Variants in SGCE observed in about 807,000 individuals in gnomAD.
The protein encoded by SGCE is sarcoglycan epsilon.
SGCE carries 26 observed loss-of-function variants against 57.8 expected under a neutral mutation model. That is an observed-to-expected ratio of 0.45 (90% CI 0.33 to 0.62). The LOEUF (loss-of-function observed/expected upper bound fraction) is 0.62, where lower values mean the gene tolerates loss of function less well. Among genes scored for constraint, SGCE ranks in the 20% least tolerant of loss-of-function variants. SGCE has a pLI of 0.02. For missense variants in SGCE, 468 were observed against 548.6 expected (o/e 0.85, Z 1.47); for synonymous variants, 183 against 189.5 (o/e 0.97, Z 0.28).
intron 1 of SGCE, among the ~76,000 whole-genome samples, chr7:94,643,769 A>G (rs1018122316): frequency 6.6e-6 from 1 of 152,240 alleles, no homozygotes; most frequent in Non-Finnish European, 1.5e-5. Context: ...TACATTGACA[A>G]GTACAGAATA....
At chr7:94,646,613 C>A (rs1245199097) in intron 1 of SGCE, among the ~76,000 whole-genome samples, 2 of 151,920 alleles carry the variant, frequency 1.3e-5, no homozygotes, top group Admixed American at 1.3e-4. Context: ...AAGCAGAATA[C>A]AAAACAGTAT....
At chr7:94,600,306 C>A (rs1321380313) in intron 7 of SGCE, 3 of 251,636 alleles carry the variant, frequency 1.2e-5, no homozygotes, top group Non-Finnish European at 2.3e-5. Flanking sequence ...TTTTTAAGTG[C>A]AATTACCATG....
intron 5 of SGCE, among the ~76,000 whole-genome samples, chr7:94,606,865 A>G (rs1240961483): frequency 6.6e-6 from 1 of 152,228 alleles, no homozygotes; most frequent in Non-Finnish European, 1.5e-5. Context: ...AAAATTGCAC[A>G]TGGATTAAAG....
At chr7:94,647,075 A>G (rs1341606729) in intron 1 of SGCE, among the ~76,000 whole-genome samples, 3 of 152,318 alleles carry the variant, frequency 2.0e-5, no homozygotes, top group Admixed American at 6.5e-5. Context: ...CACTTAGAAT[A>G]TATCTTGAAC....
intron 9 of SGCE, chr7:94,594,660 G>A (rs1292338551): frequency 3.3e-5 from 5 of 152,098 alleles, no homozygotes; most frequent in Non-Finnish European, 2.9e-5. Context: ...AATGTACCAT[G>A]GTACTGTAAG....
At chr7:94,628,412 G>T (rs1804111295) in intron 2 of SGCE, 53 bp from the exon 3 acceptor site, 1 of 1,456,794 alleles carries the variant, frequency 6.9e-7, no homozygotes, top group East Asian at 2.3e-5. Flanking sequence ...CACACATGTT[G>T]CTTTGGTAGT....
intron 1 of SGCE, among the ~76,000 whole-genome samples, chr7:94,655,566 C>T (rs986507044): frequency 6.6e-6 from 1 of 152,136 alleles, no homozygotes; most frequent in Admixed American, 6.5e-5. Flanking sequence ...AGCTTGACAC[C>T]CATTTCCTTT....
At chr7:94,654,669 A>G (rs927215675) in intron 1 of SGCE, among the ~76,000 whole-genome samples, 3 of 152,236 alleles carry the variant, frequency 2.0e-5, no homozygotes, top group African/African-American at 7.2e-5. Flanking sequence ...AATGGGCTAC[A>G]GTTTTGTTTA....
chr7:94,596,163 G>A (rs1007183150), intron 9 of SGCE, among the ~76,000 whole-genome samples: 6 of 152,076 alleles, frequency 3.9e-5, no homozygotes, highest in African/African-American at 1.2e-4. Context: ...TCAACCTAAT[G>A]ACAGTCTTGA....
At position 94,600,738 on chromosome 7, in the gene SGCE, C is replaced by T. The variant is rs539333988; in HGVS notation, c.945G>A (p.Thr315=). 1.1e-5 allele frequency: 18 copies of T among 1,613,700 alleles called. No homozygotes were observed. The highest frequency in any genetic ancestry group is 1.7e-5 in the Admixed American group (1 of 59,942). The change falls in exon 7 of 11, where the codon ACG becomes ACA. Residue 315 remains threonine, a synonymous_variant. Transcript: ENST00000648936. ...SDSLKSRDYY[T]DFLITLAVPS... is the part of the protein sequence containing the mutation. ...GCACAGCCAGTGTAATTAGGAAATC[C>T]GTGTAATAGTCTCTGCTTTTCAAAG...
intron 1 of SGCE, among the ~76,000 whole-genome samples, chr7:94,641,755 C>CA (rs36031593): frequency 0.12 from 18,154 of 152,070 alleles, 1,441 homozygotes; most frequent in South Asian, 0.25. Context: ...TCCAACCCTT[C>CA]AAAATGAGAA....
intron 10 of SGCE, chr7:94,586,393 T>G (rs1215657161): frequency 6.6e-6 from 1 of 152,152 alleles, no homozygotes; most frequent in Non-Finnish European, 1.5e-5. Flanking sequence ...ATTTAGAAAT[T>G]GAGAAATAAA....
chr7:94,629,809 G>T lies in SGCE; in HGVS notation c.142C>A (p.Arg48=), dbSNP rs760964336. 17 of 1,610,688 alleles carry T rather than the reference G, an allele frequency of 1.1e-5. No individual in the cohort carries two copies. In the Admixed American group the frequency reaches 2.8e-4, roughly 27 times the overall value. The change falls in exon 2 of 11, where the codon CGG becomes AGG. Residue 48 remains arginine, a synonymous_variant. Coordinates refer to ENST00000648936, the MANE Select transcript of SGCE (RefSeq NM_003919.3). ...YSIFSKVHSD[R]NVYPSAGVLF... ...ACACCTGCTGATGGGTATACATTCCGATCGGAGTGTACCTTGGAGAAAATA... is the reference window on the plus strand; with the variant it reads ...ACACCTGCTGATGGGTATACATTCCTATCGGAGTGTACCTTGGAGAAAATA...
intron 10 of SGCE, chr7:94,587,515 C>A: frequency 7.7e-7 from 1 of 1,296,720 alleles, no homozygotes; most frequent in South Asian, 2.7e-5. Context: ...TAGAAATTTT[C>A]CTTTTAAAAA....
chr7:94,641,833 G>A (rs1367923917), intron 1 of SGCE, among the ~76,000 whole-genome samples: 1 of 151,982 alleles, frequency 6.6e-6, no homozygotes, highest in African/African-American at 2.4e-5. Flanking sequence ...TAGAGATGGG[G>A]TCCACTATGT....
Position 94,585,040 on chromosome 7 carries a change from A to G in SGCE, c.*459T>C, listed in dbSNP as rs1330610777. 6.4e-6 allele frequency: 1 copy of G among 157,246 alleles called. No individual in the cohort carries two copies. Among genetic ancestry groups the G allele is most frequent in the Non-Finnish European group, 1.4e-5 (1 of 71,230 alleles). 9.7% of individuals were successfully genotyped at this position (157,246 alleles called of 1,614,324 possible). On this transcript the variant is annotated 3_prime_UTR_variant, in exon 11 of 11. Transcript: ENST00000648936. ...AAAACAACAGGATTTACAGGCCACA[A>G]GAGTTAAAGTATTATTTAAATGGGT...
intron 2 of SGCE, 141 bp downstream of exon 2, chr7:94,629,572 AAATGAG>A: frequency 1.3e-6 from 1 of 757,852 alleles, no homozygotes; most frequent in Non-Finnish European, 2.2e-6. Context: ...TCTAATCTGT[AAATGAG>A]AAATATCCTA....
At chr7:94,616,035 G>A (rs1042464239) in intron 5 of SGCE, among the ~76,000 whole-genome samples, 5 of 152,186 alleles carry the variant, frequency 3.3e-5, no homozygotes, top group South Asian at 4.1e-4. Flanking sequence ...TCACTTTGAA[G>A]TAAATCTTCA....
rs1804079106 is a variant in SGCE at position 94,628,304 on chromosome 7, G to A, written c.288C>T (p.Asp96=). Residue 96 remains aspartate (D), a synonymous_variant, in exon 3 of 11, where the codon GAC becomes GAT. Coordinates refer to ENST00000648936, the MANE Select transcript of SGCE (RefSeq NM_003919.3). ...GGATATATCGAAGCCATCCAGGTCG[G>A]TCTGGGTAACCCATTAAATTTGTAT... ...TFNTNLMGYP[D]RPGWLRYIQR... The A allele has an allele frequency of 6.8e-6, 11 of 1,611,682 alleles. No individual in the cohort carries two copies. The highest frequency in any genetic ancestry group is 9.3e-6 in the Non-Finnish European group (11 of 1,178,414).
Sources: gnomAD v4.1 joint callset for allele counts (sites outside exome capture counted in the v4.1 genomes callset) on GRCh38, gnomAD v4.1.1 for gene constraint, MANE v1.5 for transcripts, NCBI Gene and HGNC (gene_info 2026-07-23, HGNC 2026-07-21) for gene names.